Variants in OSTF1 observed in about 807,000 individuals in gnomAD.
OSTF1 encodes osteoclast stimulating factor 1.
In OSTF1, 27 loss-of-function variants were observed where a neutral mutation model predicts 37.2. The ratio of observed to expected loss-of-function variants is 0.73; its 90% CI spans 0.54 to 1.00. The LOEUF (loss-of-function observed/expected upper bound fraction) is 1.00. Among genes scored for constraint, OSTF1 ranks in the 50% least tolerant of loss-of-function variants. OSTF1 has a pLI of 0.00. For synonymous variants in OSTF1, 82 were observed against 89.2 expected, an observed-to-expected ratio of 0.92 and a Z score of 0.46; for missense variants, 232 against 253.8, an observed-to-expected ratio of 0.91 and a Z score of 0.58.
chr9:75,091,215 G>A (rs1473301801), intron 1 of OSTF1, among the ~76,000 whole-genome samples: 1 of 151,360 alleles, frequency 6.6e-6, no homozygotes, highest in East Asian at 1.9e-4. Context: ...CTCCCGAGCA[G>A]CTGGGATTAC....
chr9:75,112,921 T>C (rs1825416945), intron 1 of OSTF1, among the ~76,000 whole-genome samples: 2 of 152,212 alleles, frequency 1.3e-5, no homozygotes, highest in African/African-American at 4.8e-5. Flanking sequence ...ATAACTAATC[T>C]CTGCTCTCAG....
At chr9:75,104,379 CA>C (rs1825249350) in intron 1 of OSTF1, among the ~76,000 whole-genome samples, 1 of 151,910 alleles carries the variant, frequency 6.6e-6, no homozygotes, top group Non-Finnish European at 1.5e-5. Context: ...CCTGTCTTTA[CA>C]AAAAAATTTT....
chr9:75,088,522 G>T lies in OSTF1; in HGVS notation c.-171G>T. On this transcript the variant is annotated 5_prime_UTR_variant, in exon 1 of 10. Coordinates refer to ENST00000346234, the MANE Select transcript of OSTF1 (RefSeq NM_012383.5). ...GCGGGGCGGGGCGGAGCACTCGGCG[G>T]AGCCGCTCTGCCTGCGTCCGCTCTT... The T allele has an allele frequency of 1.4e-6, 1 of 705,588 alleles. No individual in the cohort carries two copies. The allele number at this position is 705,588 out of a possible 1,614,324, so 43.7% of individuals were successfully genotyped here. A position where few individuals can be genotyped will look rare whatever the true frequency, so the allele number is the denominator to read the frequency against.
intron 1 of OSTF1, among the ~76,000 whole-genome samples, chr9:75,096,220 A>G (rs1192737937): frequency 6.6e-6 from 1 of 151,984 alleles, no homozygotes; most frequent in Non-Finnish European, 1.5e-5. Flanking sequence ...TCTTCCAGTC[A>G]TTTACCACTT....
chr9:75,126,907 A>G (rs1013818953), intron 2 of OSTF1, among the ~76,000 whole-genome samples: 1 of 152,092 alleles, frequency 6.6e-6, no homozygotes, highest in African/African-American at 2.4e-5. Flanking sequence ...AGTTTTTAGA[A>G]CATTTGGTTG....
chr9:75,133,228 T>C (rs1825792137), intron 5 of OSTF1, 66 bp from the exon 6 acceptor site: 1 of 1,015,786 alleles, frequency 9.8e-7, no homozygotes, highest in Non-Finnish European at 1.5e-6. Flanking sequence ...ATGACATTGA[T>C]TTAAAAGCAA....
chr9:75,102,482 A>G (rs1397103002), intron 1 of OSTF1, among the ~76,000 whole-genome samples: 1 of 152,238 alleles, frequency 6.6e-6, no homozygotes, highest in East Asian at 1.9e-4. Flanking sequence ...TAAGGATAAG[A>G]AATTTTTATA....
intron 1 of OSTF1, among the ~76,000 whole-genome samples, chr9:75,089,277 C>T (rs1009516735): frequency 3.3e-5 from 5 of 150,156 alleles, no homozygotes; most frequent in African/African-American, 1.2e-4. Flanking sequence ...AAACCCTATA[C>T]TCGCGCTCCT....
At chr9:75,088,781 G>T in intron 1 of OSTF1, 55 bp downstream of exon 1, 1 of 1,538,696 alleles carries the variant, frequency 6.5e-7, no homozygotes, top group Non-Finnish European at 8.8e-7. Flanking sequence ...CGGTGCCGGC[G>T]CCTCCTCTGC....
intron 1 of OSTF1, among the ~76,000 whole-genome samples, chr9:75,102,517 G>A (rs767778232): frequency 1.3e-5 from 2 of 152,204 alleles, no homozygotes; most frequent in Admixed American, 6.5e-5. Context: ...TTTTATGAGT[G>A]TGTGTGTCCT....
At chr9:75,121,431 T>C (rs984891030) in intron 2 of OSTF1, among the ~76,000 whole-genome samples, 1 of 152,226 alleles carries the variant, frequency 6.6e-6, no homozygotes, top group African/African-American at 2.4e-5. Flanking sequence ...ATATTCTATA[T>C]TTAAAATGTT....
chr9:75,146,800 G>A lies in OSTF1; in HGVS notation c.*59G>A. On this transcript the variant is annotated 3_prime_UTR_variant, in exon 10 of 10. Coordinates refer to ENST00000346234, the MANE Select transcript of OSTF1 (RefSeq NM_012383.5). ...GTTGCTTTTGCCATTCCAAAACTTT[G>A]TCTTTGCCAGAAAAGTGTTGGTAAC... 1.6e-6 allele frequency: 2 copies of A among 1,270,612 alleles called. No individual in the cohort carries two copies. Among genetic ancestry groups the A allele is most frequent in the Non-Finnish European group, 2.3e-6 (2 of 886,344 alleles). The allele number at this position is 1,270,612 out of a possible 1,614,324, so 78.7% of individuals were successfully genotyped here.
At chr9:75,124,846 G>A (rs1825636928) in intron 2 of OSTF1, among the ~76,000 whole-genome samples, 1 of 152,140 alleles carries the variant, frequency 6.6e-6, no homozygotes, top group Non-Finnish European at 1.5e-5. Context: ...AGGGAGATTT[G>A]ACTTTTGTGA....
intron 8 of OSTF1, among the ~76,000 whole-genome samples, chr9:75,139,043 T>TTTCC (rs1825889451): frequency 7.1e-6 from 1 of 140,908 alleles, no homozygotes; most frequent in African/African-American, 3.0e-5. Flanking sequence ...TCTTTCTTTC[T>TTTCC]TTCTTTCTTT....
At chr9:75,134,229 T>A in intron 6 of OSTF1, 117 bp from the exon 7 acceptor site, 2 of 510,378 alleles carry the variant, frequency 3.9e-6, no homozygotes, top group Non-Finnish European at 7.1e-6. Flanking sequence ...ACAAAATGTG[T>A]TAACATTTTC....
chr9:75,123,271 A>C (rs1311737371), intron 2 of OSTF1, among the ~76,000 whole-genome samples: 1 of 152,102 alleles, frequency 6.6e-6, no homozygotes, highest in Non-Finnish European at 1.5e-5. Flanking sequence ...AATACAAAAA[A>C]ATCAGCCGGG....
At chr9:75,133,438 T>C in intron 6 of OSTF1, 37 bp downstream of exon 6, 1 of 1,249,806 alleles carries the variant, frequency 8.0e-7, no homozygotes, top group Non-Finnish European at 1.2e-6. Context: ...TCTATGCTGC[T>C]GAAAATGTGT....
intron 1 of OSTF1, among the ~76,000 whole-genome samples, chr9:75,111,500 C>G (rs1195937402): frequency 3.9e-5 from 6 of 152,138 alleles, no homozygotes; most frequent in Non-Finnish European, 8.8e-5. Context: ...CGTGAAGAGA[C>G]CAGCCCTGCT....
At chr9:75,098,575 A>T (rs1825130777) in intron 1 of OSTF1, among the ~76,000 whole-genome samples, 1 of 152,138 alleles carries the variant, frequency 6.6e-6, no homozygotes, top group Non-Finnish European at 1.5e-5. Context: ...GAAGACTTTT[A>T]TGTTTGGAAA....
Sources: allele counts gnomAD v4.1 joint callset (sites outside exome capture counted in the v4.1 genomes callset), GRCh38; gene constraint gnomAD v4.1.1; transcripts MANE v1.5; gene names NCBI Gene and HGNC (gene_info 2026-07-23, HGNC 2026-07-21).